Variants in TAFA1 observed in about 807,000 individuals in gnomAD.
TAFA1 encodes the protein TAFA chemokine like family member 1, also known as chemokine-like protein TAFA-1.
Under a neutral mutation model 18.5 loss-of-function variants are expected in TAFA1, and 4 were observed. The ratio of observed to expected loss-of-function variants is 0.22; its 90% confidence interval spans 0.11 to 0.49. TAFA1 has a LOEUF of 0.49. Ranked by LOEUF, TAFA1 falls within the 20% of genes least tolerant of loss-of-function variation. The pLI is 0.98. For synonymous variants in TAFA1, 56 were observed against 55.2 expected (o/e 1.01, Z -0.06); for missense variants, 147 against 169.0 (o/e 0.87, Z 0.72).
intron 2 of TAFA1, among the ~76,000 whole-genome samples, chr3:68,346,933 C>T (rs138934261): frequency 3.9e-5 from 6 of 152,190 alleles, no homozygotes; most frequent in East Asian, 1.9e-4. Context: ...ACCTAAGTGA[C>T]GCAAATGCCC....
Position 68,102,550 on chromosome 3 carries a change from T to C in TAFA1, c.118+95806T>C, listed in dbSNP as rs1488693245. 3.3e-5 allele frequency among the ~76,000 whole-genome samples: 5 copies of C among 152,074 alleles called. No homozygotes were observed. In the South Asian group the frequency reaches 6.2e-4, roughly 19 times the overall value. Reference sequence around the variant, plus strand: ...TTTTTCCCATACTGAATTCCTGGAGTTTTACCCAGGGGTGAGGCTCGGATC... The same window carrying C: ...TTTTTCCCATACTGAATTCCTGGAGCTTTACCCAGGGGTGAGGCTCGGATC... On this transcript the variant is annotated intron_variant, in intron 2 of 4. Coordinates refer to ENST00000478136, the MANE Select transcript of TAFA1 (RefSeq NM_213609.4).
At chr3:68,266,431 T>C (rs985662470) in intron 2 of TAFA1, among the ~76,000 whole-genome samples, 1 of 152,110 alleles carries the variant, frequency 6.6e-6, no homozygotes, top group African/African-American at 2.4e-5. Context: ...CCTAAGTAAA[T>C]CTCTGACACC....
chr3:68,073,159 C>T (rs2064778320), intron 2 of TAFA1, among the ~76,000 whole-genome samples: 1 of 152,182 alleles, frequency 6.6e-6, no homozygotes, highest in Non-Finnish European at 1.5e-5. Context: ...AAGAGACCTC[C>T]TTTGAGTAGG....
At chr3:68,495,565 G>A (rs991917884) in intron 3 of TAFA1, among the ~76,000 whole-genome samples, 5 of 152,056 alleles carry the variant, frequency 3.3e-5, no homozygotes, top group African/African-American at 1.2e-4. Flanking sequence ...ATAAGTGTAC[G>A]TTTCATTGAT....
chr3:68,187,894 C>T (rs963402201), intron 2 of TAFA1, among the ~76,000 whole-genome samples: 3 of 151,894 alleles, frequency 2.0e-5, no homozygotes, highest in African/African-American at 7.2e-5. Flanking sequence ...CTTTAATTTG[C>T]ATTTTGTTAA....
chr3:68,229,137 A>G (rs552896545), intron 2 of TAFA1, among the ~76,000 whole-genome samples: 3 of 152,268 alleles, frequency 2.0e-5, no homozygotes, highest in South Asian at 4.1e-4. Context: ...TTTGAACCAG[A>G]TAGGCACAAT....
In TAFA1 at chr3:68,325,142, G is replaced by A. The variant is rs116251776; in HGVS notation, c.119-92138G>A. Reference sequence around the variant, plus strand: ...CAGAAGTTTGGAAATCATTGCAATAGAAGAAGTAGTCTGAACTAGAGTGCC... The same window carrying A: ...CAGAAGTTTGGAAATCATTGCAATAAAAGAAGTAGTCTGAACTAGAGTGCC... On this transcript the variant is annotated intron_variant, in intron 2 of 4. Transcript: ENST00000478136. Among the ~76,000 whole-genome samples, 729 of 152,302 alleles carry A rather than the reference G, an allele frequency of 4.8e-3. 6 individuals are homozygous for A. Among genetic ancestry groups the A allele is most frequent in the African/African-American group, 0.016 (677 of 41,570 alleles).
chr3:68,544,500 C>A lies in TAFA1; in HGVS notation c.399C>A (p.Thr133=). Residue 133 remains threonine, a synonymous_variant, in exon 5 of 5, where the codon ACC becomes ACA. Coordinates refer to ENST00000478136, the MANE Select transcript of TAFA1 (RefSeq NM_213609.4). ...KIKTTRIHPR[T] is the part of the protein sequence containing the mutation. Reference sequence around the variant, plus strand: ...TTTGGTTTCAGATTCACCCAAGAACCTAACAGAAGCATTTGTGGTAGTAAA... The same window carrying A: ...TTTGGTTTCAGATTCACCCAAGAACATAACAGAAGCATTTGTGGTAGTAAA... The A allele has an allele frequency of 1.2e-6, 2 of 1,612,462 alleles. No homozygotes were observed. Among genetic ancestry groups the A allele is most frequent in the Non-Finnish European group, 1.7e-6 (2 of 1,178,936 alleles).
intron 2 of TAFA1, among the ~76,000 whole-genome samples, chr3:68,178,352 T>C (rs1575663243): frequency 6.6e-6 from 1 of 152,148 alleles, no homozygotes; most frequent in Admixed American, 6.5e-5. Flanking sequence ...GTGAGCAGGG[T>C]TGGCATAATC....
chr3:68,033,436 TG>T (rs1704978841), intron 2 of TAFA1, among the ~76,000 whole-genome samples: 1 of 152,226 alleles, frequency 6.6e-6, no homozygotes, highest in South Asian at 2.1e-4. Context: ...TTATTTTGTA[TG>T]TTTTTTAAGG....
chr3:68,176,493 A>C (rs1046251563), intron 2 of TAFA1, among the ~76,000 whole-genome samples: 1 of 152,162 alleles, frequency 6.6e-6, no homozygotes, highest in Non-Finnish European at 1.5e-5. Context: ...TAAATAATAA[A>C]GTTTACAGAT....
intron 2 of TAFA1, among the ~76,000 whole-genome samples, chr3:68,363,423 A>C (rs182996192): frequency 3.9e-5 from 6 of 152,268 alleles, no homozygotes; most frequent in Non-Finnish European, 8.8e-5. Flanking sequence ...AAATCTTATG[A>C]GGTAGAGTGT....
chr3:68,248,557 G>C (rs533069263), intron 2 of TAFA1, among the ~76,000 whole-genome samples: 1 of 151,840 alleles, frequency 6.6e-6, no homozygotes, highest in Non-Finnish European at 1.5e-5. Context: ...GACAATGTAC[G>C]GTAAATGCAC....
intron 2 of TAFA1, among the ~76,000 whole-genome samples, chr3:68,376,898 T>G (rs547915432): frequency 2.0e-5 from 3 of 152,112 alleles, no homozygotes; most frequent in African/African-American, 7.2e-5. Flanking sequence ...TGATAGTGAG[T>G]GAGTTCTCAT....
chr3:68,214,016 A>G (rs1262233531), intron 2 of TAFA1, among the ~76,000 whole-genome samples: 1 of 152,128 alleles, frequency 6.6e-6, no homozygotes, highest in Non-Finnish European at 1.5e-5. Flanking sequence ...TTACCTATGT[A>G]TATATGTGTC....
At chr3:68,498,312 A>C (rs569358469) in intron 3 of TAFA1, among the ~76,000 whole-genome samples, 49 of 152,256 alleles carry the variant, frequency 3.2e-4, no homozygotes, top group African/African-American at 1.2e-3. Flanking sequence ...TAATCCACAC[A>C]TATGTATTGA....
chr3:68,525,526 G>A (rs918063465), intron 3 of TAFA1, among the ~76,000 whole-genome samples: 2 of 152,290 alleles, frequency 1.3e-5, no homozygotes, highest in African/African-American at 4.8e-5. Context: ...TGCTAGTTGT[G>A]TGGTATTGTA....
At chr3:68,435,515 T>C (rs1187343184) in intron 3 of TAFA1, among the ~76,000 whole-genome samples, 2 of 152,190 alleles carry the variant, frequency 1.3e-5, no homozygotes, top group Non-Finnish European at 2.9e-5. Context: ...GTATAATTGC[T>C]ATTCATTGTA....
intron 2 of TAFA1, among the ~76,000 whole-genome samples, chr3:68,364,264 A>T (rs1402634953): frequency 6.6e-6 from 1 of 152,210 alleles, no homozygotes; most frequent in Non-Finnish European, 1.5e-5. Flanking sequence ...TTCAATCCAG[A>T]CTTGCTGAGT....
Sources: gnomAD v4.1 joint callset for allele counts (sites outside exome capture counted in the v4.1 genomes callset) on GRCh38, gnomAD v4.1.1 for gene constraint, MANE v1.5 for transcripts, NCBI Gene and HGNC (gene_info 2026-07-23, HGNC 2026-07-21) for gene names.